The following ERC1 variants were observed in gnomAD, a reference collection of about 807,000 sequenced individuals.
ERC1 encodes RAB6 interacting protein 2.
Under a neutral mutation model 132.0 loss-of-function variants are expected in ERC1, and 56 were observed. The observed-to-expected ratio is 0.42, with a 90% CI of 0.34 to 0.53. The LOEUF is 0.53. Among genes scored for constraint, ERC1 ranks in the 20% least tolerant of loss-of-function variants. The probability of loss-of-function intolerance (pLI) is 0.03; values close to 1 mark genes in which losing one functional copy is unlikely to be tolerated. For missense variants in ERC1, 1,202 were observed against 1,349.9 expected, an observed-to-expected ratio of 0.89 and a Z score of 1.72; for synonymous variants, 478 against 476.1, an observed-to-expected ratio of 1.00 and a Z score of -0.05.
At chr12:1,173,839 A>G (rs1233103196) in intron 8 of ERC1, among the ~76,000 whole-genome samples, 1 of 152,272 alleles carries the variant, frequency 6.6e-6, no homozygotes, top group Non-Finnish European at 1.5e-5. Flanking sequence ...AGGATATGTC[A>G]TGGGAGCCTT....
intron 18 of ERC1, among the ~76,000 whole-genome samples, chr12:1,479,253 G>A (rs1027558641): frequency 6.6e-6 from 1 of 152,122 alleles, no homozygotes; most frequent in Non-Finnish European, 1.5e-5. Flanking sequence ...GGCCGTCTTG[G>A]CTGTTCTGGG....
chr12:1,127,486 T>C (rs1286868816), intron 7 of ERC1, among the ~76,000 whole-genome samples: 4 of 151,914 alleles, frequency 2.6e-5, no homozygotes, highest in East Asian at 1.9e-4. Context: ...GGGATAGATA[T>C]AAGTACTATC....
rs1172817654 is a variant in ERC1 at position 1,083,316 on chromosome 12, T to C, written c.822T>C (p.His274=). ...ACTTTCAGAGGCTTCATGCTGAGCA[T>C]GAGCGGCAGGCCAAAGAGCTGTTTC... ...EENFQRLHAE[H]ERQAKELFLL... The change falls in exon 3 of 19, where the codon CAT becomes CAC. Residue 274 remains histidine (H), a synonymous_variant. Coordinates refer to ENST00000360905, the MANE Select transcript of ERC1 (RefSeq NM_178040.4). The C allele has an allele frequency of 2.5e-6, 4 of 1,614,078 alleles. No individual in the cohort carries two copies. The highest frequency in any genetic ancestry group is 2.2e-5 in the East Asian group (1 of 44,892).
chr12:1,135,595 G>A (rs932470643), intron 7 of ERC1, among the ~76,000 whole-genome samples: 2 of 152,186 alleles, frequency 1.3e-5, no homozygotes, highest in African/African-American at 4.8e-5. Flanking sequence ...TCATGATGGA[G>A]TGGGCTCTAA....
chr12:1,401,388 G>T (rs1159196606), intron 16 of ERC1, among the ~76,000 whole-genome samples: 1 of 152,164 alleles, frequency 6.6e-6, no homozygotes, highest in African/African-American at 2.4e-5. Flanking sequence ...AAGGAAGCAG[G>T]TAGAGCAGTA....
At position 1,055,900 on chromosome 12, in the gene ERC1, T is replaced by A. The variant is rs1972857786; in HGVS notation, c.670-27264T>A. Reference sequence around the variant, plus strand: ...TGGCTCATGTCTGTAATCCCAGCACTTTGGGAGGCCCATGGCGGGAGAATT... The same window carrying A: ...TGGCTCATGTCTGTAATCCCAGCACATTGGGAGGCCCATGGCGGGAGAATT... On this transcript the variant is annotated intron_variant, in intron 2 of 18. Transcript: ENST00000360905. Among the ~76,000 whole-genome samples the A allele has an allele frequency of 2.6e-5, 4 of 152,102 alleles. No individual in the cohort carries two copies. The South Asian group carries it at 8.3e-4, about 32-fold the overall frequency.
chr12:1,101,770 C>T (rs192567131), intron 3 of ERC1, among the ~76,000 whole-genome samples: 100 of 152,126 alleles, frequency 6.6e-4, no homozygotes, highest in African/African-American at 2.2e-3. Context: ...GTGGGGTATA[C>T]GTGTAAAGGT....
chr12:1,297,747 AG>A (rs1317352896), intron 15 of ERC1, among the ~76,000 whole-genome samples: 1 of 151,216 alleles, frequency 6.6e-6, no homozygotes, highest in Non-Finnish European at 1.5e-5. Context: ...ATGGTAAATC[AG>A]TTGATACATA....
rs146010717 is a variant in ERC1, at chr12:1,006,269, A to G, written c.-157+14947A>G. Among the ~76,000 whole-genome samples, 269 of 152,032 alleles carry G rather than the reference A, an allele frequency of 1.8e-3. 1 individual carries two copies. Among genetic ancestry groups the G allele is most frequent in the African/African-American group, 5.3e-3 (219 of 41,456 alleles). ...ACTGCACCTGGCCAGTATTATTACT[A>G]TTTTTTGAGACAGATTTTTCTCGCT... is the stretch of plus-strand genomic sequence containing the variant. On this transcript the variant is annotated intron_variant, in intron 1 of 18. Coordinates refer to ENST00000360905, the MANE Select transcript of ERC1 (RefSeq NM_178040.4).
At position 1,180,586 on chromosome 12, in the gene ERC1, G is replaced by A. The variant is rs1026650339; in HGVS notation, c.1784G>A (p.Ser595Asn). The change falls in exon 9 of 19, where the codon AGC becomes AAC. Residue 595 changes from serine to asparagine, a missense_variant. Physicochemically the swap from Ser to Asn is conservative, Grantham distance 46. Coordinates refer to ENST00000360905, the MANE Select transcript of ERC1 (RefSeq NM_178040.4). Reference sequence around the variant, plus strand: ...CTTAGAGACAAGGAAAAGCAGATGAGCAGCTTGAAAGAACGGGTCAAATCC... The same window carrying A: ...CTTAGAGACAAGGAAAAGCAGATGAACAGCTTGAAAGAACGGGTCAAATCC... ...EQLRDKEKQM[S>N]SLKERVKSLQ... The A allele has an allele frequency of 4.3e-6, 7 of 1,613,936 alleles. No individual in the cohort carries two copies. Among genetic ancestry groups the A allele is most frequent in the African/African-American group, 1.3e-5 (1 of 74,842 alleles).
At chr12:1,425,545 T>G (rs530568441) in intron 17 of ERC1, among the ~76,000 whole-genome samples, 2 of 152,324 alleles carry the variant, frequency 1.3e-5, no homozygotes, top group East Asian at 3.9e-4. Flanking sequence ...CTGGTTACAG[T>G]AATCATCATT....
At chr12:1,013,905 A>G (rs1965092077) in intron 1 of ERC1, among the ~76,000 whole-genome samples, 1 of 152,080 alleles carries the variant, frequency 6.6e-6, no homozygotes, top group African/African-American at 2.4e-5. Context: ...CTAATTAAAA[A>G]AAAAGTTTTT....
chr12:1,186,662 A>G (rs1955127482), intron 11 of ERC1, among the ~76,000 whole-genome samples: 1 of 152,214 alleles, frequency 6.6e-6, no homozygotes, highest in South Asian at 2.1e-4. Context: ...GTTAACGTAT[A>G]GTTAGAACTT....
intron 15 of ERC1, among the ~76,000 whole-genome samples, chr12:1,325,211 CCT>C (rs2082365487): frequency 6.6e-6 from 1 of 152,098 alleles, no homozygotes. Context: ...CCCATGTTTC[CCT>C]CTGTCTTTAA....
Position 1,027,802 on chromosome 12 carries a change from A to C in ERC1, c.-102A>C. On this transcript the variant is annotated 5_prime_UTR_variant, in exon 2 of 19. Transcript: ENST00000360905. The stretch of plus-strand genomic sequence containing the variant: ...GACAGCTGGGGACCTTCTTCTGATT[A>C]ACCTTAAACCAACTTGTAGCCATAG... The C allele has an allele frequency of 1.0e-6, 1 of 986,760 alleles. No individual in the cohort carries two copies. The highest frequency in any genetic ancestry group is 1.5e-6 in the Non-Finnish European group (1 of 658,230). The allele number at this position is 986,760 out of a possible 1,614,324, so 61.1% of individuals were successfully genotyped here.
chr12:1,176,904 A>G (rs1222432397), intron 8 of ERC1, among the ~76,000 whole-genome samples: 6 of 152,246 alleles, frequency 3.9e-5, no homozygotes, highest in Admixed American at 3.9e-4. Flanking sequence ...AACCAAATAC[A>G]TTGAAAATTC....
At chr12:1,001,256 G>T (rs974311639) in intron 1 of ERC1, among the ~76,000 whole-genome samples, 5 of 152,076 alleles carry the variant, frequency 3.3e-5, no homozygotes, top group African/African-American at 9.7e-5. Context: ...TTGAGTTTTG[G>T]TTTTTTGTCT....
intron 14 of ERC1, among the ~76,000 whole-genome samples, chr12:1,278,983 T>C (rs1166317081): frequency 6.6e-6 from 1 of 152,160 alleles, no homozygotes; most frequent in Non-Finnish European, 1.5e-5. Context: ...GATTTTATAC[T>C]CAACATGAAC....
At chr12:1,050,118 A>G (rs1971689830) in intron 2 of ERC1, among the ~76,000 whole-genome samples, 1 of 152,174 alleles carries the variant, frequency 6.6e-6, no homozygotes, top group Non-Finnish European at 1.5e-5. Flanking sequence ...GTTGTTCCAC[A>G]ACCTCCTGGG....
Sources: gnomAD v4.1 joint callset for allele counts (sites outside exome capture counted in the v4.1 genomes callset) on GRCh38, gnomAD v4.1.1 for gene constraint, MANE v1.5 for transcripts, NCBI Gene and HGNC (gene_info 2026-07-23, HGNC 2026-07-21) for gene names.